SNX24: variants seen among roughly 807,000 people sequenced by gnomAD.
SNX24 encodes the protein sorting nexin-24.
Under a neutral mutation model 28.7 loss-of-function variants are expected in SNX24, and 22 were observed. The ratio of observed to expected loss-of-function variants is 0.77; its 90% CI spans 0.55 to 1.10. The LOEUF (loss-of-function observed/expected upper bound fraction) is 1.10. Ranked by LOEUF, SNX24 falls within the 50% of genes least tolerant of loss-of-function variation. The pLI, the probability that SNX24 is intolerant of heterozygous loss-of-function variation, is 0.00. For synonymous variants in SNX24, 69 were observed against 71.5 expected (o/e 0.96, Z 0.18); for missense variants, 221 against 201.1 (o/e 1.10, Z -0.60).
At chr5:122,926,168 A>G (rs76895637) in intron 1 of SNX24, among the ~76,000 whole-genome samples, 1 of 152,316 alleles carries the variant, frequency 6.6e-6, no homozygotes, top group African/African-American at 2.4e-5. Context: ...TGGAACAACA[A>G]CTGAACAGAA....
chr5:122,977,713 A>G (rs967706227), intron 3 of SNX24, among the ~76,000 whole-genome samples: 12 of 152,234 alleles, frequency 7.9e-5, no homozygotes, highest in South Asian at 2.1e-4. Context: ...TTTGACTTAA[A>G]TAAGTATTTA....
chr5:122,946,328 A>AT (rs1199555773), intron 3 of SNX24, among the ~76,000 whole-genome samples, 169 bp downstream of exon 3: 1 of 152,218 alleles, frequency 6.6e-6, no homozygotes, highest in Non-Finnish European at 1.5e-5. Context: ...TGTAACTTTA[A>AT]TTAGGGTTCT....
chr5:122,920,798 A>C (rs903561641), intron 1 of SNX24, among the ~76,000 whole-genome samples: 1 of 152,258 alleles, frequency 6.6e-6, no homozygotes, highest in Non-Finnish European at 1.5e-5. Context: ...AAAATTTAAA[A>C]AATGAGATAT....
intron 3 of SNX24, among the ~76,000 whole-genome samples, chr5:122,981,189 C>A (rs1259283771): frequency 1.3e-5 from 2 of 151,956 alleles, no homozygotes; most frequent in Non-Finnish European, 2.9e-5. Flanking sequence ...GTATTTCTAC[C>A]CTGACATAAA....
In SNX24 at chr5:122,858,963, G is replaced by T. The variant is rs190305578; in HGVS notation, c.60+13270G>T. On this transcript the variant is annotated intron_variant, in intron 1 of 6. Coordinates refer to ENST00000261369, the MANE Select transcript of SNX24 (RefSeq NM_014035.4). ...GGGTTTCACCATGTTGCCCAGGCTA[G>T]TCTCAAACTCTTGGACTTAAGCTAT... 1.1e-4 allele frequency among the ~76,000 whole-genome samples: 17 copies of T among 152,256 alleles called. No individual in the cohort carries two copies. The East Asian group carries it at 2.5e-3, about 23-fold the overall frequency.
chr5:122,933,498 C>T (rs1218855002), intron 1 of SNX24, among the ~76,000 whole-genome samples: 1 of 152,216 alleles, frequency 6.6e-6, no homozygotes, highest in African/African-American at 2.4e-5. Context: ...CCTGGGCCTG[C>T]GTAGCTTCTC....
chr5:122,960,445 G>T (rs1170925492), intron 3 of SNX24, among the ~76,000 whole-genome samples: 1 of 152,028 alleles, frequency 6.6e-6, no homozygotes, highest in Non-Finnish European at 1.5e-5. Context: ...TCATGGACTT[G>T]TTTTTTGTGA....
chr5:122,901,728 A>T (rs1312592839), intron 1 of SNX24, among the ~76,000 whole-genome samples: 3 of 152,154 alleles, frequency 2.0e-5, no homozygotes, highest in Admixed American at 1.3e-4. Context: ...GATGTGTCAT[A>T]CACACATGTT....
rs771087856 is a variant in SNX24, at chr5:122,845,648, C to T, written c.15C>T (p.Ile5=). MEVY[I]PSFRYEESDL... ...CCGGCGCGGCCATGGAGGTCTACAT[C>T]CCGTCCTTTCGCTATGAAGAGAGCG... The change falls in exon 1 of 7, where the codon ATC becomes ATT. Residue 5 remains isoleucine, a synonymous_variant. Coordinates refer to ENST00000261369, the MANE Select transcript of SNX24 (RefSeq NM_014035.4). 9 of 1,433,092 alleles carry T rather than the reference C, an allele frequency of 6.3e-6. No homozygotes were observed. Among genetic ancestry groups the T allele is most frequent in the South Asian group, 1.6e-5 (1 of 61,620 alleles). The allele number at this position is 1,433,092 out of a possible 1,614,324, so 88.8% of individuals were successfully genotyped here. A position where few individuals can be genotyped will look rare whatever the true frequency, so the allele number is the denominator to read the frequency against.
intron 3 of SNX24, among the ~76,000 whole-genome samples, chr5:122,952,057 A>C (rs1759967535): frequency 6.6e-6 from 1 of 152,258 alleles, no homozygotes; most frequent in Non-Finnish European, 1.5e-5. Context: ...TAAAATATTG[A>C]CTAAAACTAC....
intron 1 of SNX24, among the ~76,000 whole-genome samples, chr5:122,911,822 G>T: frequency 7.8e-6 from 1 of 127,566 alleles, no homozygotes; most frequent in South Asian, 2.9e-4. Context: ...CTGTTCCATT[G>T]ATCTATATCT....
At chr5:123,003,465 AATT>A (rs1297618600) in intron 6 of SNX24, among the ~76,000 whole-genome samples, 2 of 150,442 alleles carry the variant, frequency 1.3e-5, no homozygotes, top group Non-Finnish European at 3.0e-5. Flanking sequence ...TAGTTTTATA[AATT>A]ATTCTTATTA....
At chr5:123,007,648 CT>C (rs112542774) in intron 6 of SNX24, 33 bp from the exon 7 acceptor site, 627 of 1,384,942 alleles carry the variant, frequency 4.5e-4, no homozygotes, top group Middle Eastern at 7.6e-4. Flanking sequence ...AGCAGTTTTT[CT>C]TTTTTTTTTC....
chr5:122,916,508 TTTTATCTTAGATGC>T (rs2150096936), intron 1 of SNX24, among the ~76,000 whole-genome samples: 1 of 152,042 alleles, frequency 6.6e-6, no homozygotes, highest in Non-Finnish European at 1.5e-5. Context: ...TTTGTGCTTT[TTTTATCTTAGATGC>T]TTTTATTCTG....
At chr5:123,005,524 T>C (rs1028758933) in intron 6 of SNX24, among the ~76,000 whole-genome samples, 2 of 152,252 alleles carry the variant, frequency 1.3e-5, no homozygotes, top group East Asian at 1.9e-4. Context: ...GAGTTACCCA[T>C]AGTATGTAAT....
At chr5:123,029,060 A>G in intron 5 of SNX24, 1 of 810,138 alleles carries the variant, frequency 1.2e-6, no homozygotes, top group Non-Finnish European at 1.9e-6. Context: ...ATGGAAGTAG[A>G]GTATTAATGT....
intron 1 of SNX24, among the ~76,000 whole-genome samples, chr5:122,853,024 G>A (rs1754992727): frequency 6.6e-6 from 1 of 150,742 alleles, no homozygotes; most frequent in Admixed American, 6.6e-5. Context: ...AGCTGGCACA[G>A]TGCCTCATTC....
intron 3 of SNX24, among the ~76,000 whole-genome samples, chr5:122,972,814 A>G (rs946756875): frequency 7.9e-5 from 12 of 152,228 alleles, no homozygotes; most frequent in African/African-American, 2.9e-4. Context: ...GCCACCAAGT[A>G]GCTGGCTGAT....
intron 5 of SNX24, among the ~76,000 whole-genome samples, chr5:123,020,940 C>T (rs1398506536): frequency 6.6e-6 from 1 of 152,230 alleles, no homozygotes; most frequent in African/African-American, 2.4e-5. Flanking sequence ...GAGCCAGTCA[C>T]TGGAGCCAGG....
Sources: gnomAD v4.1 joint callset for allele counts (sites outside exome capture counted in the v4.1 genomes callset) on GRCh38, gnomAD v4.1.1 for gene constraint, MANE v1.5 for transcripts, NCBI Gene and HGNC (gene_info 2026-07-23, HGNC 2026-07-21) for gene names.